DLC1: variants seen among roughly 807,000 people sequenced by gnomAD.
DLC1 encodes DLC1 Rho GTPase activating protein.
Under a neutral mutation model 140.3 loss-of-function variants are expected in DLC1, and 54 were observed. That is an observed-to-expected ratio of 0.38 (90% CI 0.31 to 0.48). The LOEUF (loss-of-function observed/expected upper bound fraction) is 0.48, where lower values mean the gene tolerates loss of function less well. Ranked by LOEUF, DLC1 falls within the 20% of genes least tolerant of loss-of-function variation. The probability of loss-of-function intolerance (pLI) is 0.96; values close to 1 mark genes in which losing one functional copy is unlikely to be tolerated. For missense variants in DLC1, 2,536 were observed against 1,907.0 expected (o/e 1.33, Z -6.14); for synonymous variants, 986 against 728.1 (o/e 1.35, Z -5.70).
At chr8:13,460,079 A>C (rs1450549735) in intron 2 of DLC1, among the ~76,000 whole-genome samples, 1 of 152,182 alleles carries the variant, frequency 6.6e-6, no homozygotes, top group Non-Finnish European at 1.5e-5. Context: ...CTGGCATCTA[A>C]GGCAGTGTTA....
rs1434467214 is a variant in DLC1, at chr8:13,514,665, G to A, written c.-189C>T. 2.5e-6 allele frequency: 1 copy of A among 398,492 alleles called. No individual in the cohort carries two copies. The highest frequency in any genetic ancestry group is 4.4e-6 in the Non-Finnish European group (1 of 226,076). The allele number at this position is 398,492 out of a possible 1,614,324, so 24.7% of individuals were successfully genotyped here. A position where few individuals can be genotyped will look rare whatever the true frequency, so the allele number is the denominator to read the frequency against. On this transcript the variant is annotated 5_prime_UTR_variant, in exon 1 of 18. Transcript: ENST00000276297. ...GCTCAACACTCAGGCTAGGAAAGAAGTCCGTCCCCGTTAGTTTCTCCAAAA... is the reference window on the plus strand; with the variant it reads ...GCTCAACACTCAGGCTAGGAAAGAAATCCGTCCCCGTTAGTTTCTCCAAAA...
At position 13,563,022 on chromosome 8, in the gene DLC1, A is replaced by T. The variant is rs986647726; in HGVS notation, c.-126+41515T>A. 5.9e-5 allele frequency among the ~76,000 whole-genome samples: 9 copies of T among 152,340 alleles called. No individual in the cohort carries two copies. The East Asian group carries it at 1.7e-3, about 29-fold the overall frequency. On this transcript the variant is annotated intron_variant, in intron 1 of 1. Coordinates refer to the DLC1 transcript ENST00000631382. ...TATATTTTCAAAACATTTTTGAAAG[A>T]TAATCGAAAACTCTAAAATTATGAT...
intron 8 of DLC1, among the ~76,000 whole-genome samples, chr8:13,101,574 G>T (rs931642706): frequency 2.6e-4 from 39 of 152,108 alleles, no homozygotes; most frequent in African/African-American, 9.4e-4. Context: ...GAGTAAAGGG[G>T]CCCTGGATCA....
At chr8:13,182,691 G>T (rs1826110804) in intron 5 of DLC1, among the ~76,000 whole-genome samples, 1 of 152,098 alleles carries the variant, frequency 6.6e-6, no homozygotes, top group South Asian at 2.1e-4. Context: ...TCTCTGTTTT[G>T]GTACCAGTAC....
intron 1 of DLC1, among the ~76,000 whole-genome samples, chr8:13,544,252 T>C (rs1803582147): frequency 6.6e-6 from 1 of 151,318 alleles, no homozygotes; most frequent in Admixed American, 6.6e-5. Context: ...ACTAGATTGG[T>C]CACTTAACTG....
In DLC1 at chr8:13,272,920, C is replaced by G. The variant is rs576016738; in HGVS notation, c.1348+32349G>C. Among the ~76,000 whole-genome samples the G allele has an allele frequency of 7.2e-5, 11 of 152,244 alleles. No homozygotes were observed. The South Asian group carries it at 1.2e-3, about 17-fold the overall frequency. On this transcript the variant is annotated intron_variant, in intron 5 of 17. Coordinates refer to ENST00000276297, the MANE Select transcript of DLC1 (RefSeq NM_182643.3). ...AAACAAAAATAGCTTTTAACTTATACTCACTTCTCCATATTTTAAAGGCAT... is the reference window on the plus strand; with the variant it reads ...AAACAAAAATAGCTTTTAACTTATAGTCACTTCTCCATATTTTAAAGGCAT...
intron 5 of DLC1, among the ~76,000 whole-genome samples, chr8:13,163,340 A>T (rs1461627722): frequency 6.6e-6 from 1 of 152,194 alleles, no homozygotes; most frequent in East Asian, 1.9e-4. Context: ...AAGGAACATA[A>T]TTCATCTAGT....
chr8:13,493,870 A>G (rs1458438660), intron 2 of DLC1, among the ~76,000 whole-genome samples: 1 of 152,186 alleles, frequency 6.6e-6, no homozygotes, highest in Non-Finnish European at 1.5e-5. Flanking sequence ...TAGAAAGGAA[A>G]GAGAGTATCA....
At chr8:13,466,244 A>C (rs190700117) in intron 2 of DLC1, among the ~76,000 whole-genome samples, 1 of 152,092 alleles carries the variant, frequency 6.6e-6, no homozygotes, top group Non-Finnish European at 1.5e-5. Flanking sequence ...CTCTCTTGCT[A>C]CCTACCTGCT....
intron 4 of DLC1, among the ~76,000 whole-genome samples, chr8:13,360,559 G>C (rs894686348): frequency 2.6e-5 from 4 of 152,074 alleles, no homozygotes; most frequent in Non-Finnish European, 4.4e-5. Flanking sequence ...GCTGGGCTTG[G>C]GCATTGGGAT....
chr8:13,086,061 C>G, intron 17 of DLC1, 130 bp from the exon 18 acceptor site: 1 of 1,425,288 alleles, frequency 7.0e-7, no homozygotes, highest in Non-Finnish European at 9.3e-7. Flanking sequence ...AATTCATGGC[C>G]GAGCTACCAT....
chr8:13,297,566 C>T (rs747973526), intron 5 of DLC1, among the ~76,000 whole-genome samples: 5 of 151,982 alleles, frequency 3.3e-5, no homozygotes, highest in Non-Finnish European at 7.4e-5. Context: ...ACAATAATAC[C>T]AGGCATTGGG....
At chr8:13,214,747 T>C (rs1275122125) in intron 5 of DLC1, 1 of 780,936 alleles carries the variant, frequency 1.3e-6, no homozygotes, top group Non-Finnish European at 2.4e-6. Flanking sequence ...CTTATCTTCA[T>C]CCACTTCCAA....
intron 1 of DLC1, among the ~76,000 whole-genome samples, chr8:13,526,321 A>G (rs767019178): frequency 6.6e-6 from 1 of 152,176 alleles, no homozygotes; most frequent in Non-Finnish European, 1.5e-5. Context: ...GCATGAATTT[A>G]AGAATCAGCT....
chr8:13,198,735 TGA>T (rs1827208638), intron 5 of DLC1, among the ~76,000 whole-genome samples: 1 of 151,660 alleles, frequency 6.6e-6, no homozygotes. Context: ...TTTTTTTTTT[TGA>T]AATGGAGTCT....
At chr8:13,289,456 A>T (rs1330394320) in intron 5 of DLC1, among the ~76,000 whole-genome samples, 1 of 152,130 alleles carries the variant, frequency 6.6e-6, no homozygotes, top group Non-Finnish European at 1.5e-5. Flanking sequence ...CCACCTGAGT[A>T]GCTGGGATTA....
intron 2 of DLC1, among the ~76,000 whole-genome samples, chr8:13,416,317 C>T (rs373041600): frequency 2.0e-5 from 3 of 152,210 alleles, no homozygotes; most frequent in Admixed American, 2.0e-4. Context: ...AAACAATCTC[C>T]ATAACCTAAT....
At chr8:13,402,464 A>G (rs1298257271) in intron 2 of DLC1, among the ~76,000 whole-genome samples, 4 of 152,216 alleles carry the variant, frequency 2.6e-5, no homozygotes, top group Non-Finnish European at 5.9e-5. Context: ...CTAAAAAAAA[A>G]TACTGTAGAA....
chr8:13,416,621 T>A lies in DLC1; in HGVS notation c.1024-15002A>T, dbSNP rs575833660. ...AGAAATAAAACAGACCAAAATAGTA[T>A]AAACAAAATCTCTAACAAATAGGAA... On this transcript the variant is annotated intron_variant, in intron 2 of 17. Coordinates refer to ENST00000276297, the MANE Select transcript of DLC1 (RefSeq NM_182643.3). 5.9e-5 allele frequency among the ~76,000 whole-genome samples: 9 copies of A among 152,270 alleles called. No individual in the cohort carries two copies. The South Asian group carries it at 1.7e-3, about 28-fold the overall frequency.
Sources: gnomAD v4.1 joint callset for allele counts (sites outside exome capture counted in the v4.1 genomes callset) on GRCh38, gnomAD v4.1.1 for gene constraint, MANE v1.5 for transcripts, NCBI Gene and HGNC (gene_info 2026-07-23, HGNC 2026-07-21) for gene names.